The following DEFB121 variants were observed in gnomAD, a reference collection of about 807,000 sequenced individuals.
The protein encoded by DEFB121 is beta-defensin 121.
Under a neutral mutation model 2.5 loss-of-function variants are expected in DEFB121, and 5 were observed. The ratio of observed to expected loss-of-function variants is 1.96; its 90% CI spans 1.03 to 4.13. The LOEUF is 4.13. Among genes scored for constraint, DEFB121 ranks in the 30% most tolerant of loss-of-function variants. The pLI, the probability that DEFB121 is intolerant of heterozygous loss-of-function variation, is 0.00. For missense variants in DEFB121, 87 were observed against 85.0 expected (o/e 1.02, Z -0.09); for synonymous variants, 39 against 32.6 (o/e 1.20, Z -0.67).
At chr20:31,412,812 A>C (rs1273510582) in exon 1 of DEFB121, 1 of 521,620 alleles carries the variant, frequency 1.9e-6, no homozygotes, top group Non-Finnish European at 3.2e-6. Context: ...CAGAGGGCTC[A>C]CCCAGAGTCG....
upstream of DEFB121, among the ~76,000 whole-genome samples, chr20:31,414,067 C>T (rs1262137960): frequency 6.6e-6 from 1 of 152,062 alleles, no homozygotes; most frequent in East Asian, 1.9e-4. Context: ...ATTAACTGGC[C>T]GTGGTGGCAC....
chr20:31,405,892 G>A (rs1402592290), intron 1 of DEFB121, among the ~76,000 whole-genome samples: 3 of 152,188 alleles, frequency 2.0e-5, no homozygotes, highest in South Asian at 2.1e-4. Context: ...CCAGAGATAA[G>A]GTTGGAATGG....
At chr20:31,416,331 G>A (rs933083261), upstream of DEFB121, among the ~76,000 whole-genome samples, 8 of 152,226 alleles carry the variant, frequency 5.3e-5, no homozygotes, top group Non-Finnish European at 1.0e-4. Context: ...AAAGTGCTGA[G>A]ATTACAGGCA....
At chr20:31,407,579 G>C (rs910405234), upstream of DEFB121, among the ~76,000 whole-genome samples, 2 of 152,170 alleles carry the variant, frequency 1.3e-5, no homozygotes, top group African/African-American at 4.8e-5. Flanking sequence ...CAGATCTACA[G>C]TGAGAAACAG....
chr20:31,405,491 G>A (rs1433506965), intron 1 of DEFB121, among the ~76,000 whole-genome samples: 1 of 152,174 alleles, frequency 6.6e-6, no homozygotes, highest in Non-Finnish European at 1.5e-5. Flanking sequence ...AATGAAAGGT[G>A]ACAGGAATAT....
upstream of DEFB121, among the ~76,000 whole-genome samples, chr20:31,410,344 C>T (rs1287238272): frequency 6.6e-6 from 1 of 152,092 alleles, no homozygotes; most frequent in Non-Finnish European, 1.5e-5. Flanking sequence ...GAACCATAGA[C>T]ACTGGGGACT....
chr20:31,412,571 A>G, intron 1 of DEFB121: 1 of 1,260,146 alleles, frequency 7.9e-7, no homozygotes, highest in Middle Eastern at 2.2e-4. Flanking sequence ...CCTGGCATAG[A>G]GGAAAGCCTC....
the DEFB121 span, among the ~76,000 whole-genome samples, chr20:31,418,283 GA>G: frequency 1.1e-3 from 106 of 100,364 alleles, 1 homozygote; most frequent in Non-Finnish European, 1.7e-3. Flanking sequence ...AAAAAAAAAA[GA>G]AAAAAGGGAA....
At chr20:31,413,945 C>T (rs139505234), upstream of DEFB121, among the ~76,000 whole-genome samples, 28 of 152,258 alleles carry the variant, frequency 1.8e-4, no homozygotes, top group East Asian at 4.6e-3. Flanking sequence ...AGGTGGCTCA[C>T]GCCTGTAATT....
Position 31,406,209 on chromosome 20 carries a change from G to A in DEFB121, c.-57C>T. On this transcript the variant is annotated 5_prime_UTR_variant, in exon 1 of 2. Coordinates refer to ENST00000376314, the MANE Select transcript of DEFB121 (RefSeq NM_001011878.3). Reference sequence around the variant, plus strand: ...CTTCTCAACTGGTAAAACAGACAGAGGACTCCATTCTGGGCAGTCCAGACT... The same window carrying A: ...CTTCTCAACTGGTAAAACAGACAGAAGACTCCATTCTGGGCAGTCCAGACT... 3.7e-6 allele frequency: 6 copies of A among 1,610,558 alleles called. No homozygotes were observed. Among genetic ancestry groups the A allele is most frequent in the Non-Finnish European group, 4.2e-6 (5 of 1,178,192 alleles).
At chr20:31,412,953 A>G, upstream of DEFB121, 1 of 228,774 alleles carries the variant, frequency 4.4e-6, no homozygotes, top group Non-Finnish European at 8.7e-6. Flanking sequence ...CCCTTTTCCC[A>G]GCTCTCCTTG....
At chr20:31,405,467 C>A (rs1568738561) in intron 1 of DEFB121, among the ~76,000 whole-genome samples, 1 of 152,132 alleles carries the variant, frequency 6.6e-6, no homozygotes, top group African/African-American at 2.4e-5. Context: ...TTTGGTACCC[C>A]CTCTGACCAT....
chr20:31,406,010 C>G lies in DEFB121; in HGVS notation c.58+85G>C. ...AATGAGCTCTACCAGGCCATTCTCC[C>G]AGCCCAACCTGTCAGAGTCCCCAGA... On this transcript the variant is annotated intron_variant, in intron 1 of 1. Transcript: ENST00000376314. The G allele has an allele frequency of 2.7e-6, 4 of 1,503,926 alleles. No homozygotes were observed. In the South Asian group the frequency reaches 4.7e-5, roughly 18 times the overall value. The allele number at this position is 1,503,926 out of a possible 1,614,324, so 93.2% of individuals were successfully genotyped here. A position where few individuals can be genotyped will look rare whatever the true frequency, so the allele number is the denominator to read the frequency against.
chr20:31,414,958 G>A (rs769445583), upstream of DEFB121, among the ~76,000 whole-genome samples: 1 of 152,148 alleles, frequency 6.6e-6, no homozygotes, highest in Non-Finnish European at 1.5e-5. Flanking sequence ...CAGTGGGGAG[G>A]TGGTGCTGAG....
chr20:31,410,844 G>A (rs1978641963), upstream of DEFB121, among the ~76,000 whole-genome samples: 1 of 151,780 alleles, frequency 6.6e-6, no homozygotes, highest in Non-Finnish European at 1.5e-5. Context: ...GAGAGAGAGA[G>A]AGAGAGAGAG....
upstream of DEFB121, among the ~76,000 whole-genome samples, chr20:31,409,943 A>G (rs1428704927): frequency 6.6e-6 from 1 of 152,090 alleles, no homozygotes; most frequent in Non-Finnish European, 1.5e-5. Flanking sequence ...ATTGACTGAG[A>G]TGGGGCATGA....
At chr20:31,415,502 G>A (rs985660607), upstream of DEFB121, among the ~76,000 whole-genome samples, 2 of 151,984 alleles carry the variant, frequency 1.3e-5, no homozygotes, top group African/African-American at 4.8e-5. Flanking sequence ...CGCTAGCCTC[G>A]GCCTCCCAAA....
chr20:31,412,647 G>A, exon 1 of DEFB121: 1 of 1,290,884 alleles, frequency 7.7e-7, no homozygotes. Flanking sequence ...GAAACATTTG[G>A]CTATTGACCT....
At position 31,406,169 on chromosome 20, in the gene DEFB121, G is replaced by A. The variant is rs1213646401; in HGVS notation, c.-17C>T. The A allele has an allele frequency of 6.2e-7, 1 of 1,613,930 alleles. No homozygotes were observed. Among genetic ancestry groups the A allele is most frequent in the Non-Finnish European group, 8.5e-7 (1 of 1,179,862 alleles). ...GAGCTTCATGAATGATGAATGATCAGGGAGGGATAGGAGGCTTCTCAACTG... is the reference window on the plus strand; with the variant it reads ...GAGCTTCATGAATGATGAATGATCAAGGAGGGATAGGAGGCTTCTCAACTG... On this transcript the variant is annotated 5_prime_UTR_variant, in exon 1 of 2. Coordinates refer to ENST00000376314, the MANE Select transcript of DEFB121 (RefSeq NM_001011878.3).
Sources: allele counts gnomAD v4.1 joint callset (sites outside exome capture counted in the v4.1 genomes callset), GRCh38; gene constraint gnomAD v4.1.1; transcripts MANE v1.5; gene names NCBI Gene and HGNC (gene_info 2026-07-23, HGNC 2026-07-21).